Variants in PYGO1 observed in about 807,000 individuals in gnomAD.
PYGO1 encodes the protein pygopus family PHD finger 1.
In PYGO1, 6 loss-of-function variants were observed where a neutral mutation model predicts 29.5. The observed-to-expected ratio is 0.20, with a 90% CI of 0.11 to 0.40. The LOEUF (loss-of-function observed/expected upper bound fraction) is 0.40, where lower values mean the gene tolerates loss of function less well. Among genes scored for constraint, PYGO1 ranks in the 10% least tolerant of loss-of-function variants. The pLI, the probability that PYGO1 is intolerant of heterozygous loss-of-function variation, is 1.00. For missense variants in PYGO1, 515 were observed against 514.9 expected (o/e 1.00, Z 0.00); for synonymous variants, 186 against 180.5 (o/e 1.03, Z -0.24).
chr15:55,575,549 T>C (rs2058997892), intron 1 of PYGO1, among the ~76,000 whole-genome samples: 1 of 152,120 alleles, frequency 6.6e-6, no homozygotes, highest in South Asian at 2.1e-4. Flanking sequence ...CTCTGCTTGA[T>C]CTCTATTAGG....
At chr15:55,571,498 G>T (rs1361601872) in intron 1 of PYGO1, among the ~76,000 whole-genome samples, 1 of 152,112 alleles carries the variant, frequency 6.6e-6, no homozygotes, top group Non-Finnish European at 1.5e-5. Flanking sequence ...TGAATCATGG[G>T]GGCAGGTCTT....
At chr15:55,587,750 C>T in intron 1 of PYGO1, 85 bp downstream of exon 1, 3 of 1,416,720 alleles carry the variant, frequency 2.1e-6, no homozygotes, top group Admixed American at 2.4e-5. Flanking sequence ...CCGGACAGAG[C>T]CCCATGGCCT....
intron 1 of PYGO1, among the ~76,000 whole-genome samples, chr15:55,563,394 T>C (rs2058941777): frequency 7.0e-6 from 1 of 143,746 alleles, no homozygotes; most frequent in African/African-American, 2.6e-5. Flanking sequence ...TGAGACGAAG[T>C]CTTGCTCTGT....
intron 1 of PYGO1, among the ~76,000 whole-genome samples, chr15:55,555,338 T>A (rs1026681517): frequency 6.6e-6 from 1 of 151,870 alleles, no homozygotes; most frequent in Non-Finnish European, 1.5e-5. Context: ...TGAGCCTGCC[T>A]TGCAAGAGCT....
chr15:55,564,715 ACAT>A (rs1283072997), intron 1 of PYGO1, among the ~76,000 whole-genome samples: 1 of 152,240 alleles, frequency 6.6e-6, no homozygotes, highest in Non-Finnish European at 1.5e-5. Context: ...GGTGAATTTT[ACAT>A]CATGTGAATT....
chr15:55,548,867 T>C (rs1273841685), intron 2 of PYGO1, 43 bp downstream of exon 2: 14 of 1,549,198 alleles, frequency 9.0e-6, no homozygotes, highest in Non-Finnish European at 1.2e-5. Flanking sequence ...AGCCTGACCA[T>C]ACTAGCAAAG....
chr15:55,553,488 T>C lies in PYGO1; in HGVS notation c.50-4493A>G, dbSNP rs555159470. Among the ~76,000 whole-genome samples, 184 of 152,114 alleles carry C rather than the reference T, an allele frequency of 1.2e-3. 1 individual carries two copies. Among genetic ancestry groups the C allele is most frequent in the African/African-American group, 4.2e-3 (173 of 41,500 alleles). ...TTGGCTCACTGCAACCTCTGCCTCC[T>C]GGGCTCAAGCGATCCTCCTGCCTCA... On this transcript the variant is annotated intron_variant, in intron 1 of 2. Coordinates refer to ENST00000563719, the MANE Select transcript of PYGO1 (RefSeq NM_001367806.1).
chr15:55,561,642 G>C (rs990448298), intron 1 of PYGO1, among the ~76,000 whole-genome samples: 1 of 152,158 alleles, frequency 6.6e-6, no homozygotes, highest in African/African-American at 2.4e-5. Context: ...AATTCAAGAT[G>C]AGATTTGCAC....
At chr15:55,579,922 ATGG>A (rs2059018835) in intron 1 of PYGO1, among the ~76,000 whole-genome samples, 1 of 152,208 alleles carries the variant, frequency 6.6e-6, no homozygotes, top group Non-Finnish European at 1.5e-5. Context: ...ATTGAGTTTT[ATGG>A]TATTAATTTT....
chr15:55,553,873 A>G (rs1315270964), intron 1 of PYGO1, among the ~76,000 whole-genome samples: 7 of 152,144 alleles, frequency 4.6e-5, no homozygotes. Context: ...ATCTCCAGGT[A>G]CAGGAAAAAC....
chr15:55,569,512 T>A (rs2058971720), intron 1 of PYGO1, among the ~76,000 whole-genome samples: 3 of 152,204 alleles, frequency 2.0e-5, no homozygotes, highest in East Asian at 1.9e-4. Context: ...AAGAATTTTT[T>A]AAATTTCTGC....
chr15:55,581,375 G>A (rs1485166322), intron 1 of PYGO1, among the ~76,000 whole-genome samples: 1 of 152,166 alleles, frequency 6.6e-6, no homozygotes, highest in East Asian at 1.9e-4. Flanking sequence ...AGCACTTCAT[G>A]GAGTGTGAAG....
Position 55,546,278 on chromosome 15 carries a change from C to CG in PYGO1, c.1004dup (p.Ser336ValfsTer3). 1 of 1,614,178 alleles carries CG rather than the reference C, an allele frequency of 6.2e-7. No homozygotes were observed. The highest frequency in any genetic ancestry group is 8.5e-7 in the Non-Finnish European group (1 of 1,180,030). ...CACAAGGATACACTGGGTCAGAAGA[C>CG]GAATGGCCATGACGGTTTGGGTGAA... On this transcript the variant is annotated frameshift_variant, in exon 3 of 3. Coordinates refer to ENST00000563719, the MANE Select transcript of PYGO1 (RefSeq NM_001367806.1). LOFTEE classifies it high-confidence loss of function.
chr15:55,540,279 G>A lies in PYGO1; in HGVS notation c.*5744C>T, dbSNP rs1778321931. The A allele has an allele frequency of 6.6e-6, 1 of 151,936 alleles. No homozygotes were observed. The highest frequency in any genetic ancestry group is 2.4e-5 in the African/African-American group (1 of 41,392). The allele number at this position is 151,936 out of a possible 1,614,324, so 9.4% of individuals were successfully genotyped here. On this transcript the variant is annotated 3_prime_UTR_variant, in exon 3 of 3. Coordinates refer to ENST00000563719, the MANE Select transcript of PYGO1 (RefSeq NM_001367806.1). ...AGGAGTCTTACGGTATCTTAATCAT[G>A]TCTAAATAAATGAAGATAAATATTA...
chr15:55,539,260 A>G lies in PYGO1; in HGVS notation c.*6763T>C, dbSNP rs2058819241. ...GCAAATTGTGTTAAATATCTCAAAA[A>G]GAAAAAGGAGAATTGGCTTACCATT... On this transcript the variant is annotated 3_prime_UTR_variant, in exon 3 of 3. Transcript: ENST00000563719. The G allele has an allele frequency of 6.6e-6, 1 of 152,214 alleles. No individual in the cohort carries two copies. The highest frequency in any genetic ancestry group is 1.5e-5 in the Non-Finnish European group (1 of 68,000). The allele number at this position is 152,214 out of a possible 1,614,324, so 9.4% of individuals were successfully genotyped here.
At position 55,542,956 on chromosome 15, in the gene PYGO1, AAAAAC is replaced by A. The variant is rs1395677071; in HGVS notation, c.*3062_*3066del. ...CAAAAACAAAACAAAACAAAACAAA[AAAAAC>A]AAAAAAAAACCCACCTTTCTGTCAA... On this transcript the variant is annotated 3_prime_UTR_variant, in exon 3 of 3. Transcript: ENST00000563719. 6.7e-6 allele frequency: 1 copy of A among 148,904 alleles called. No individual in the cohort carries two copies. The highest frequency in any genetic ancestry group is 6.8e-5 in the Admixed American group (1 of 14,692). The allele number at this position is 148,904 out of a possible 1,614,324, so 9.2% of individuals were successfully genotyped here.
At chr15:55,566,026 C>T (rs112673487) in intron 1 of PYGO1, among the ~76,000 whole-genome samples, 43 of 152,342 alleles carry the variant, frequency 2.8e-4, no homozygotes, top group African/African-American at 9.6e-4. Context: ...TGTCATCAGC[C>T]TGCCTCGGCC....
chr15:55,552,120 C>T (rs559481682), intron 1 of PYGO1, among the ~76,000 whole-genome samples: 3 of 151,684 alleles, frequency 2.0e-5, no homozygotes, highest in East Asian at 1.9e-4. Flanking sequence ...TTTGGGAGGC[C>T]GAGGCAGGCA....
At chr15:55,576,195 G>A (rs1157063547) in intron 1 of PYGO1, among the ~76,000 whole-genome samples, 1 of 151,864 alleles carries the variant, frequency 6.6e-6, no homozygotes, top group Non-Finnish European at 1.5e-5. Flanking sequence ...GGTGGCTCAC[G>A]TCTGTAATCC....
Sources: allele counts gnomAD v4.1 joint callset (sites outside exome capture counted in the v4.1 genomes callset), GRCh38; gene constraint gnomAD v4.1.1; transcripts MANE v1.5; gene names NCBI Gene and HGNC (gene_info 2026-07-23, HGNC 2026-07-21).